RAD54L2: variants seen among roughly 807,000 people sequenced by gnomAD.
The protein encoded by RAD54L2 is RAD54 like 2, also known as helicase ARIP4.
In RAD54L2, 27 loss-of-function variants were observed where a neutral mutation model predicts 138.4. The observed-to-expected ratio is 0.20, with a 90% CI of 0.14 to 0.27. The LOEUF (loss-of-function observed/expected upper bound fraction) is 0.27. RAD54L2 is among the 10% of genes least tolerant of loss of function. The pLI is 1.00. For missense variants in RAD54L2, 1,396 were observed against 1,890.2 expected (o/e 0.74, Z 4.85); for synonymous variants, 644 against 723.2 (o/e 0.89, Z 1.76).
intron 2 of RAD54L2, among the ~76,000 whole-genome samples, chr3:51,548,423 G>C (rs1446744934): frequency 1.3e-5 from 2 of 152,122 alleles, no homozygotes; most frequent in Non-Finnish European, 2.9e-5. Flanking sequence ...CCTGACCTCA[G>C]GTGATCCGCC....
intron 3 of RAD54L2, among the ~76,000 whole-genome samples, chr3:51,622,632 C>T (rs1700591741): frequency 6.6e-6 from 1 of 152,174 alleles, no homozygotes; most frequent in Non-Finnish European, 1.5e-5. Flanking sequence ...CATCTGTCCA[C>T]TTTTACAGTA....
intron 2 of RAD54L2, among the ~76,000 whole-genome samples, chr3:51,565,357 C>T (rs1036535191): frequency 6.6e-6 from 1 of 150,748 alleles, no homozygotes; most frequent in Non-Finnish European, 1.5e-5. Flanking sequence ...GAGCCGAGAT[C>T]TCACCACTGT....
At chr3:51,585,469 T>TTG (rs1699690004) in intron 2 of RAD54L2, among the ~76,000 whole-genome samples, 2 of 152,150 alleles carry the variant, frequency 1.3e-5, no homozygotes, top group South Asian at 4.1e-4. Context: ...AAGGCTTTGT[T>TTG]TGTGTGTGTG....
intron 18 of RAD54L2, 123 bp from the exon 19 acceptor site, chr3:51,646,162 T>C (rs1208697888): frequency 2.4e-6 from 2 of 832,344 alleles, no homozygotes; most frequent in Non-Finnish European, 3.8e-6. Flanking sequence ...AACCTGCCTG[T>C]GTATCTCTGA....
At chr3:51,586,267 C>T (rs896950487) in intron 2 of RAD54L2, among the ~76,000 whole-genome samples, 1 of 151,978 alleles carries the variant, frequency 6.6e-6, no homozygotes, top group Admixed American at 6.6e-5. Flanking sequence ...TACAGGTGCA[C>T]ACCACCAAGT....
intron 19 of RAD54L2, among the ~76,000 whole-genome samples, chr3:51,650,971 C>G (rs1195291189): frequency 1.3e-5 from 2 of 152,016 alleles, no homozygotes; most frequent in African/African-American, 2.4e-5. Context: ...CACAAAAAAC[C>G]CTTCAAAAAG....
At chr3:51,641,640 A>C in intron 14 of RAD54L2, 109 bp from the exon 15 acceptor site, 1 of 667,706 alleles carries the variant, frequency 1.5e-6, no homozygotes, top group Non-Finnish European at 2.6e-6. Flanking sequence ...TTTCAGTGGT[A>C]GGTTGTGGGA....
At chr3:51,561,612 A>T (rs1248387165) in intron 2 of RAD54L2, among the ~76,000 whole-genome samples, 1 of 150,648 alleles carries the variant, frequency 6.6e-6, no homozygotes, top group African/African-American at 2.4e-5. Context: ...CCCACCCTGG[A>T]GTGCAGTGTT....
intron 3 of RAD54L2, among the ~76,000 whole-genome samples, chr3:51,612,691 T>A (rs1700356398): frequency 2.8e-5 from 4 of 141,800 alleles, no homozygotes; most frequent in Non-Finnish European, 1.5e-5. Flanking sequence ...GTCTTTGTTG[T>A]AAAAAAAAAA....
At chr3:51,579,704 G>C (rs1699564203) in intron 2 of RAD54L2, among the ~76,000 whole-genome samples, 1 of 152,094 alleles carries the variant, frequency 6.6e-6, no homozygotes, top group Non-Finnish European at 1.5e-5. Flanking sequence ...CAGTTTAGGG[G>C]CATGTGTTCT....
intron 2 of RAD54L2, among the ~76,000 whole-genome samples, chr3:51,579,862 T>G (rs923455621): frequency 6.6e-6 from 1 of 152,312 alleles, no homozygotes; most frequent in East Asian, 1.9e-4. Flanking sequence ...CTTCAAACTT[T>G]CTGTTGCATT....
Position 51,639,511 on chromosome 3 carries a change from A to G in RAD54L2, c.1953A>G (p.Ala651=), listed in dbSNP as rs1426819042. The G allele has an allele frequency of 6.2e-7, 1 of 1,614,030 alleles. No homozygotes were observed. Among genetic ancestry groups the G allele is most frequent in the Non-Finnish European group, 8.5e-7 (1 of 1,179,894 alleles). ...TAGACGTGGAAGAACTTGGCTCTGC[A>G]GGGACCAGTGCCCGCTGTCCACCAC... The part of the protein sequence containing the change: ...QDLDVEELGS[A]GTSARCPPQG... Residue 651 remains alanine, a synonymous_variant, in exon 13 of 23, where the codon GCA becomes GCG. Transcript: ENST00000684192.
intron 2 of RAD54L2, among the ~76,000 whole-genome samples, chr3:51,557,364 T>C (rs889545994): frequency 5.9e-5 from 9 of 151,672 alleles, no homozygotes; most frequent in Non-Finnish European, 1.2e-4. Flanking sequence ...TAAATTTATG[T>C]AGAGATGGGG....
At chr3:51,642,475 T>G (rs1269250523) in intron 15 of RAD54L2, among the ~76,000 whole-genome samples, 3 of 151,908 alleles carry the variant, frequency 2.0e-5, no homozygotes, top group Non-Finnish European at 4.4e-5. Context: ...AAAAAAAAAG[T>G]CATTCCTTAG....
At chr3:51,623,733 TG>T (rs1488594180) in intron 3 of RAD54L2, among the ~76,000 whole-genome samples, 1 of 152,016 alleles carries the variant, frequency 6.6e-6, no homozygotes, top group African/African-American at 2.4e-5. Flanking sequence ...CCCAGCACTT[TG>T]GGAGGCTGAG....
chr3:51,586,738 T>C (rs551104394), intron 2 of RAD54L2, among the ~76,000 whole-genome samples: 3 of 152,030 alleles, frequency 2.0e-5, no homozygotes, highest in Non-Finnish European at 2.9e-5. Context: ...CTGGCTAATT[T>C]TGTATTTTTA....
At position 51,582,766 on chromosome 3, in the gene RAD54L2, C is replaced by CTTTTTTTTTTTTTTTTTT. The variant is rs61245532; in HGVS notation, c.-54-7591_-54-7590insTTTTTTTTTTTTTTTTTT. On this transcript the variant is annotated intron_variant, in intron 2 of 22. Coordinates refer to ENST00000684192, the MANE Select transcript of RAD54L2 (RefSeq NM_015106.4). ...CTTGAAGGGTCTAAGCCAGGGAAGT[C>CTTTTTTTTTTTTTTTTTT]TTTTTTTTTTGAGACGGAGTCTCGC... Among the ~76,000 whole-genome samples the CTTTTTTTTTTTTTTTTTT allele has an allele frequency of 1.0e-3, 147 of 147,248 alleles. 1 individual carries two copies. The highest frequency in any genetic ancestry group is 3.4e-3 in the African/African-American group (135 of 39,532).
At chr3:51,581,048 T>G (rs1699596570) in intron 2 of RAD54L2, among the ~76,000 whole-genome samples, 2 of 152,174 alleles carry the variant, frequency 1.3e-5, no homozygotes. Flanking sequence ...GTAGCTATTT[T>G]AAAAGAATTG....
intron 2 of RAD54L2, among the ~76,000 whole-genome samples, chr3:51,557,395 TG>T (rs1698997364): frequency 6.6e-6 from 1 of 151,716 alleles, no homozygotes; most frequent in South Asian, 2.1e-4. Flanking sequence ...TTGCCCAGGC[TG>T]GTCTCAAAAC....
Sources: gnomAD v4.1 joint callset for allele counts (sites outside exome capture counted in the v4.1 genomes callset) on GRCh38, gnomAD v4.1.1 for gene constraint, MANE v1.5 for transcripts, NCBI Gene and HGNC (gene_info 2026-07-23, HGNC 2026-07-21) for gene names.